The following ARPC1A variants were observed in gnomAD, a reference collection of about 807,000 sequenced individuals.
ARPC1A encodes the protein actin related protein 2/3 complex subunit 1A.
In ARPC1A, 8 loss-of-function variants were observed where a neutral mutation model predicts 46.9. The observed-to-expected ratio is 0.17, with a 90% CI of 0.10 to 0.31. The LOEUF is 0.31. ARPC1A is among the 10% of genes least tolerant of loss of function. The pLI, the probability that ARPC1A is intolerant of heterozygous loss-of-function variation, is 1.00. For missense variants in ARPC1A, 286 were observed against 483.6 expected (o/e 0.59, Z 3.83); for synonymous variants, 152 against 169.0 (o/e 0.90, Z 0.78).
intron 3 of ARPC1A, 101 bp downstream of exon 3, chr7:99,338,386 T>C: frequency 1.3e-6 from 1 of 772,644 alleles, no homozygotes; most frequent in Non-Finnish European, 1.9e-6. Flanking sequence ...TAATTTTTTT[T>C]TTTTTTTTTT....
chr7:99,346,828 T>C (rs1412417201), intron 4 of ARPC1A, among the ~76,000 whole-genome samples: 1 of 151,726 alleles, frequency 6.6e-6, no homozygotes, highest in Non-Finnish European at 1.5e-5. Context: ...AAATACAAAA[T>C]ATTAGCCAGG....
At chr7:99,335,779 T>TC (rs977587152) in intron 2 of ARPC1A, among the ~76,000 whole-genome samples, 1 of 151,892 alleles carries the variant, frequency 6.6e-6, no homozygotes, top group Non-Finnish European at 1.5e-5. Flanking sequence ...ACAGTGAAAC[T>TC]CCATCTCTAT....
intron 9 of ARPC1A, among the ~76,000 whole-genome samples, chr7:99,365,164 T>C (rs192541407): frequency 8.5e-4 from 130 of 152,124 alleles, no homozygotes; most frequent in Admixed American, 7.5e-3. Context: ...AAAAGAGCTC[T>C]AGGTAGCCAG....
At chr7:99,329,588 G>A (rs957425077) in intron 1 of ARPC1A, among the ~76,000 whole-genome samples, 1 of 152,192 alleles carries the variant, frequency 6.6e-6, no homozygotes, top group South Asian at 2.1e-4. Context: ...GTCTTGGCCT[G>A]CAGACTTAAA....
At chr7:99,346,427 T>C (rs750171779) in intron 4 of ARPC1A, among the ~76,000 whole-genome samples, 3 of 152,222 alleles carry the variant, frequency 2.0e-5, no homozygotes, top group Admixed American at 2.0e-4. Context: ...CAGGAAACTT[T>C]TCTTCCAAGT....
intron 2 of ARPC1A, among the ~76,000 whole-genome samples, 165 bp downstream of exon 2, chr7:99,333,582 T>G (rs1250196898): frequency 6.6e-6 from 1 of 152,166 alleles, no homozygotes; most frequent in Non-Finnish European, 1.5e-5. Context: ...TACAGATAGA[T>G]AAACTGAGGC....
In ARPC1A at chr7:99,363,586, T is replaced by C; in HGVS notation, c.1027T>C (p.Phe343Leu). 1 of 1,613,578 alleles carries C rather than the reference T, an allele frequency of 6.2e-7. No homozygotes were observed. Among genetic ancestry groups the C allele is most frequent in the Non-Finnish European group, 8.5e-7 (1 of 1,179,916 alleles). ...YEVDKQDCRK[F>L]CTTGIDGAMT... ...GGTGGACAAGCAAGATTGTCGCAAA[T>C]TTTGCACTACTGGCATCGATGGAGC... The change falls in exon 9 of 10, where the codon TTT becomes CTT. Residue 343 changes from phenylalanine (F) to leucine (L), a missense_variant. By Grantham distance (22) the Phe-to-Leu change is conservative. Coordinates refer to ENST00000262942, the MANE Select transcript of ARPC1A (RefSeq NM_006409.4).
intron 1 of ARPC1A, among the ~76,000 whole-genome samples, chr7:99,328,374 A>G (rs181393073): frequency 3.3e-5 from 5 of 152,362 alleles, no homozygotes; most frequent in African/African-American, 1.2e-4. Context: ...CATTTAAAAA[A>G]TAGAAAAGCC....
intron 2 of ARPC1A, chr7:99,335,430 C>G: frequency 2.3e-6 from 1 of 441,244 alleles, no homozygotes; most frequent in Non-Finnish European, 4.5e-6. Context: ...TTCCATTGTT[C>G]TTTATGTTTA....
intron 8 of ARPC1A, 194 bp from the exon 9 acceptor site, chr7:99,363,349 G>A: frequency 1.8e-6 from 1 of 550,598 alleles, no homozygotes; most frequent in South Asian, 2.2e-5. Flanking sequence ...GGAGACTGAG[G>A]CAGGAGGATC....
At chr7:99,333,698 A>T (rs981029906) in intron 2 of ARPC1A, among the ~76,000 whole-genome samples, 1 of 152,162 alleles carries the variant, frequency 6.6e-6, no homozygotes, top group Non-Finnish European at 1.5e-5. Flanking sequence ...TTTGCTCCTG[A>T]GCTACTCAGA....
intron 1 of ARPC1A, among the ~76,000 whole-genome samples, chr7:99,327,125 G>A (rs1423715236): frequency 1.3e-5 from 2 of 152,052 alleles, no homozygotes; most frequent in Admixed American, 1.3e-4. Context: ...AAAAACAGAG[G>A]AGGGGCATCA....
At chr7:99,354,180 T>C in intron 6 of ARPC1A, 59 bp downstream of exon 6, 2 of 1,572,022 alleles carry the variant, frequency 1.3e-6, no homozygotes, top group Non-Finnish European at 1.7e-6. Flanking sequence ...TCTCACCAGC[T>C]GAACCAGGAC....
chr7:99,361,753 A>G (rs963475977), intron 8 of ARPC1A, among the ~76,000 whole-genome samples: 2 of 152,220 alleles, frequency 1.3e-5, no homozygotes, highest in African/African-American at 4.8e-5. Context: ...TGCTCTTTGC[A>G]CTAGAACTGT....
chr7:99,333,592 C>G (rs1316539548), intron 2 of ARPC1A, among the ~76,000 whole-genome samples, 175 bp downstream of exon 2: 1 of 152,044 alleles, frequency 6.6e-6, no homozygotes, highest in Non-Finnish European at 1.5e-5. Context: ...TAAACTGAGG[C>G]CCAGAGTGAA....
intron 4 of ARPC1A, among the ~76,000 whole-genome samples, chr7:99,346,368 G>A (rs1444562997): frequency 1.3e-5 from 2 of 152,142 alleles, no homozygotes; most frequent in African/African-American, 2.4e-5. Context: ...ATTCTCTCAA[G>A]GCTAAACTTT....
rs1417381915 is a variant in ARPC1A at position 99,325,915 on chromosome 7, C to CCGCCCG, written c.-112_-107dup. The CCGCCCG allele has an allele frequency of 6.6e-6, 1 of 152,570 alleles. No homozygotes were observed. The highest frequency in any genetic ancestry group is 1.5e-5 in the Non-Finnish European group (1 of 68,064). 9.5% of individuals were successfully genotyped at this position (152,570 alleles called of 1,614,324 possible). ...GCCGCTCCCTCTGGGCTTCCGTCCT[C>CCGCCCG]CGCCCGCGCCCGACGGAGCCTGTTC... On this transcript the variant is annotated 5_prime_UTR_variant, in exon 1 of 10. Coordinates refer to ENST00000262942, the MANE Select transcript of ARPC1A (RefSeq NM_006409.4).
intron 6 of ARPC1A, among the ~76,000 whole-genome samples, chr7:99,355,517 G>A (rs1562801912): frequency 6.6e-6 from 1 of 152,224 alleles, no homozygotes; most frequent in South Asian, 2.1e-4. Flanking sequence ...GGCCAAGGTG[G>A]GTGGATCACT....
At chr7:99,331,933 A>T (rs564474361) in intron 1 of ARPC1A, among the ~76,000 whole-genome samples, 1 of 152,158 alleles carries the variant, frequency 6.6e-6, no homozygotes. Flanking sequence ...AAAAGAAATT[A>T]TATTATAATC....
Sources: gnomAD v4.1 joint callset for allele counts (sites outside exome capture counted in the v4.1 genomes callset) on GRCh38, gnomAD v4.1.1 for gene constraint, MANE v1.5 for transcripts, NCBI Gene and HGNC (gene_info 2026-07-23, HGNC 2026-07-21) for gene names.